The following TENM3 variants were observed in gnomAD, a reference collection of about 807,000 sequenced individuals.
TENM3 encodes teneurin-3.
Under a neutral mutation model 255.1 loss-of-function variants are expected in TENM3, and 63 were observed. That is an observed-to-expected ratio of 0.25 (90% CI 0.20 to 0.30). TENM3 has a LOEUF of 0.30. TENM3 is among the 10% of genes least tolerant of loss of function. TENM3 has a pLI of 1.00. For missense variants in TENM3, 2,929 were observed against 3,461.1 expected (o/e 0.85, Z 3.86); for synonymous variants, 1,306 against 1,322.3 (o/e 0.99, Z 0.27).
chr4:182,699,006 G>T (rs752737062), intron 12 of TENM3, among the ~76,000 whole-genome samples: 1 of 152,206 alleles, frequency 6.6e-6, no homozygotes, highest in African/African-American at 2.4e-5. Flanking sequence ...ACACATAGCT[G>T]TGAGGATGAG....
At chr4:182,045,931 C>A in the TENM3 span, among the ~76,000 whole-genome samples, 11 of 152,052 alleles carry the variant, frequency 7.2e-5, no homozygotes, top group Admixed American at 2.0e-4. Flanking sequence ...GCCTGTAGTC[C>A]CAGCTGCTTG....
At chr4:181,458,362 T>A in the TENM3 span, among the ~76,000 whole-genome samples, 1 of 151,114 alleles carries the variant, frequency 6.6e-6, no homozygotes, top group Admixed American at 6.6e-5. Context: ...CAATTTGCAT[T>A]TTAACCTCAA....
At chr4:181,729,325 G>A in the TENM3 span, among the ~76,000 whole-genome samples, 7 of 152,132 alleles carry the variant, frequency 4.6e-5, no homozygotes, top group East Asian at 3.9e-4. Flanking sequence ...CATGACTGTC[G>A]TTGCTCTAAA....
the TENM3 span, among the ~76,000 whole-genome samples, chr4:181,484,624 A>T: frequency 6.6e-6 from 1 of 152,186 alleles, no homozygotes; most frequent in South Asian, 2.1e-4. Flanking sequence ...ACCTTACAGT[A>T]AGTGTTTAAT....
chr4:182,358,193 C>T (rs1313730352), intron 3 of TENM3, among the ~76,000 whole-genome samples: 3 of 148,922 alleles, frequency 2.0e-5, no homozygotes, highest in African/African-American at 7.5e-5. Flanking sequence ...ATTGACTTGG[C>T]GATGCGGGCT....
chr4:182,416,997 C>G (rs145874375), intron 3 of TENM3, among the ~76,000 whole-genome samples: 1 of 151,918 alleles, frequency 6.6e-6, no homozygotes, highest in African/African-American at 2.4e-5. Flanking sequence ...TTTCTGAGAC[C>G]GAGTCTCCCT....
At chr4:181,779,255 T>G in the TENM3 span, among the ~76,000 whole-genome samples, 2 of 132,202 alleles carry the variant, frequency 1.5e-5, no homozygotes, top group African/African-American at 6.6e-5. Flanking sequence ...TTTCTTTTAC[T>G]TTAAGTTATT....
chr4:182,004,271 T>G, the TENM3 span, among the ~76,000 whole-genome samples: 1 of 152,062 alleles, frequency 6.6e-6, no homozygotes, highest in Non-Finnish European at 1.5e-5. Flanking sequence ...TATGTGACCA[T>G]GTGTTCTCAA....
At chr4:182,671,578 TC>T (rs1755215019) in intron 6 of TENM3, among the ~76,000 whole-genome samples, 1 of 152,166 alleles carries the variant, frequency 6.6e-6, no homozygotes, top group South Asian at 2.1e-4. Flanking sequence ...GGGTGTTGTC[TC>T]CCCACCCAGG....
the TENM3 span, among the ~76,000 whole-genome samples, chr4:181,947,438 G>A: frequency 3.9e-5 from 6 of 152,082 alleles, no homozygotes; most frequent in African/African-American, 1.2e-4. Flanking sequence ...AAACCTATGT[G>A]AGCGCTGGTA....
chr4:182,409,074 A>G (rs17073258), intron 3 of TENM3, among the ~76,000 whole-genome samples: 2,829 of 152,354 alleles, frequency 0.019, 72 homozygotes, highest in East Asian at 0.1. Flanking sequence ...TGAGGTAAAC[A>G]TCGCAAATGA....
intron 7 of TENM3, among the ~76,000 whole-genome samples, chr4:182,679,083 T>A (rs765163103): frequency 6.6e-6 from 1 of 151,950 alleles, no homozygotes; most frequent in South Asian, 2.1e-4. Context: ...AGGGGAGGGA[T>A]AGCATTAGGA....
chr4:181,486,107 G>C, the TENM3 span, among the ~76,000 whole-genome samples: 1,117 of 152,038 alleles, frequency 7.3e-3, 15 homozygotes, highest in African/African-American at 0.024. Context: ...TTCTTGACAA[G>C]ACACCAGATT....
At chr4:181,847,101 A>G in the TENM3 span, among the ~76,000 whole-genome samples, 69 of 152,316 alleles carry the variant, frequency 4.5e-4, no homozygotes, top group African/African-American at 1.6e-3. Context: ...AGCAGCTGGA[A>G]GCTTAGTTGC....
the TENM3 span, among the ~76,000 whole-genome samples, chr4:181,967,402 G>A: frequency 6.6e-6 from 1 of 152,294 alleles, no homozygotes; most frequent in East Asian, 1.9e-4. Flanking sequence ...CACGTAGCAA[G>A]TAGAGGATAT....
chr4:182,119,599 A>C, the TENM3 span, among the ~76,000 whole-genome samples: 2 of 152,136 alleles, frequency 1.3e-5, no homozygotes, highest in African/African-American at 4.8e-5. Context: ...TGAGGGACCT[A>C]AAGAAGTTGT....
the TENM3 span, among the ~76,000 whole-genome samples, chr4:181,974,056 T>C: frequency 6.6e-6 from 1 of 152,194 alleles, no homozygotes; most frequent in East Asian, 1.9e-4. Context: ...CCTCAGACTG[T>C]ACTGCAGCTC....
intron 3 of TENM3, among the ~76,000 whole-genome samples, chr4:182,550,875 A>G (rs1005826282): frequency 2.6e-5 from 4 of 152,214 alleles, no homozygotes; most frequent in Admixed American, 6.5e-5. Flanking sequence ...AAAGGGGCTA[A>G]GCAGTGCTTT....
the TENM3 span, among the ~76,000 whole-genome samples, chr4:181,904,361 T>C: frequency 2.0e-5 from 3 of 152,066 alleles, no homozygotes; most frequent in Non-Finnish European, 4.4e-5. Flanking sequence ...ATTAAAATAT[T>C]CTAAGGATAA....
Sources: gnomAD v4.1 joint callset for allele counts (sites outside exome capture counted in the v4.1 genomes callset) on GRCh38, gnomAD v4.1.1 for gene constraint, MANE v1.5 for transcripts, NCBI Gene and HGNC (gene_info 2026-07-23, HGNC 2026-07-21) for gene names.